The following CENPQ variants were observed in gnomAD, a reference collection of about 807,000 sequenced individuals.
CENPQ encodes centromere protein Q.
Under a neutral mutation model 36.6 loss-of-function variants are expected in CENPQ, and 27 were observed. That is an observed-to-expected ratio of 0.74 (90% CI 0.54 to 1.02). The LOEUF is 1.02. Among genes scored for constraint, CENPQ ranks in the 50% least tolerant of loss-of-function variants. CENPQ has a pLI of 0.00. For missense variants in CENPQ, 306 were observed against 301.8 expected, an observed-to-expected ratio of 1.01 and a Z score of -0.10; for synonymous variants, 101 against 101.7, an observed-to-expected ratio of 0.99 and a Z score of 0.04.
chr6:49,489,649 G>T (rs1768671860), intron 8 of CENPQ, among the ~76,000 whole-genome samples: 1 of 151,092 alleles, frequency 6.6e-6, no homozygotes, highest in Non-Finnish European at 1.5e-5. Flanking sequence ...ACCTAGGGCA[G>T]CTATAGCCTT....
chr6:49,473,613 T>C (rs910334005), intron 5 of CENPQ, among the ~76,000 whole-genome samples: 1 of 152,150 alleles, frequency 6.6e-6, no homozygotes, highest in Non-Finnish European at 1.5e-5. Flanking sequence ...CTGCATCAAC[T>C]AACGAGCAAA....
chr6:49,485,584 G>GAT (rs1305769129), intron 6 of CENPQ, among the ~76,000 whole-genome samples: 3 of 152,040 alleles, frequency 2.0e-5, no homozygotes, highest in African/African-American at 7.2e-5. Flanking sequence ...AAAAATGATA[G>GAT]AAAGTATAGG....
intron 6 of CENPQ, among the ~76,000 whole-genome samples, chr6:49,482,255 C>T (rs1768452954): frequency 6.6e-6 from 1 of 152,208 alleles, no homozygotes; most frequent in African/African-American, 2.4e-5. Flanking sequence ...TTGGCCAGCC[C>T]AGAAAGGGGC....
chr6:49,471,982 T>G (rs1768146466), intron 3 of CENPQ, 81 bp from the exon 4 acceptor site: 7 of 1,427,924 alleles, frequency 4.9e-6, no homozygotes, highest in Non-Finnish European at 6.5e-6. Context: ...ATAAGCTTTT[T>G]TAGATGAAAA....
chr6:49,486,630 C>A (rs1768586023), intron 6 of CENPQ, among the ~76,000 whole-genome samples: 1 of 151,876 alleles, frequency 6.6e-6, no homozygotes, highest in Admixed American at 6.6e-5. Context: ...AAAAAAAAAA[C>A]TCCAATTTAT....
chr6:49,482,397 T>C (rs1361105401), intron 6 of CENPQ, among the ~76,000 whole-genome samples: 1 of 152,138 alleles, frequency 6.6e-6, no homozygotes, highest in Non-Finnish European at 1.5e-5. Flanking sequence ...ATCCCCCCTC[T>C]AAACAGGACA....
Position 49,492,214 on chromosome 6 carries a change from C to T in CENPQ, c.746C>T (p.Ser249Leu). The T allele has an allele frequency of 6.2e-7, 1 of 1,608,146 alleles. No individual in the cohort carries two copies. Among genetic ancestry groups the T allele is most frequent in the African/African-American group, 1.3e-5 (1 of 74,794 alleles). The change falls in exon 9 of 9, where the codon TCA becomes TTA. Residue 249 changes from serine to leucine, a missense_variant. Ser to Leu is a moderately radical substitution (Grantham distance 145). Transcript: ENST00000335783. ...GACTTGGATATTCTTCATAATTCAT[C>T]ACAGATGAAGAGCATGTCAACCTTC... ...LKDLDILHNS[S>L]QMKSMSTFIE...
intron 5 of CENPQ, among the ~76,000 whole-genome samples, chr6:49,479,881 C>T (rs1477210619): frequency 6.6e-6 from 1 of 152,066 alleles, no homozygotes; most frequent in African/African-American, 2.4e-5. Flanking sequence ...CAGAAAACCA[C>T]ATAGTGCATT....
Position 49,492,970 on chromosome 6 carries a change from T to C in CENPQ, c.*695T>C, listed in dbSNP as rs1422464341. The C allele has an allele frequency of 6.6e-6, 1 of 152,272 alleles. No homozygotes were observed. Among genetic ancestry groups the C allele is most frequent in the Non-Finnish European group, 1.5e-5 (1 of 68,000 alleles). 9.4% of individuals were successfully genotyped at this position (152,272 alleles called of 1,614,324 possible). Reference sequence around the variant, plus strand: ...CCCAAAATATATAAACCTTTTCTTATTATGATAATAAGCTTATATATGTGA... The same window carrying C: ...CCCAAAATATATAAACCTTTTCTTACTATGATAATAAGCTTATATATGTGA... On this transcript the variant is annotated 3_prime_UTR_variant, in exon 9 of 9. Coordinates refer to ENST00000335783, the MANE Select transcript of CENPQ (RefSeq NM_018132.4).
Position 49,490,945 on chromosome 6 carries a change from G to A in CENPQ, c.676-1199G>A, listed in dbSNP as rs182336538. Reference sequence around the variant, plus strand: ...ACACTGGGCATAGATCACCATAACAGATACCGTAATAATTTTTAAAGTTTG... The same window carrying A: ...ACACTGGGCATAGATCACCATAACAAATACCGTAATAATTTTTAAAGTTTG... On this transcript the variant is annotated intron_variant, in intron 8 of 8. Transcript: ENST00000335783. 2.9e-3 allele frequency among the ~76,000 whole-genome samples: 438 copies of A among 152,278 alleles called. 1 individual carries two copies. The highest frequency in any genetic ancestry group is 6.8e-3 in the African/African-American group (284 of 41,540).
chr6:49,487,977 A>G (rs754656145), intron 6 of CENPQ, among the ~76,000 whole-genome samples: 16 of 152,148 alleles, frequency 1.1e-4, no homozygotes, highest in Non-Finnish European at 2.1e-4. Context: ...GAATTTCTCC[A>G]CTACATGAAG....
At chr6:49,481,575 G>T (rs1478226468) in intron 6 of CENPQ, among the ~76,000 whole-genome samples, 1 of 152,200 alleles carries the variant, frequency 6.6e-6, no homozygotes, top group Non-Finnish European at 1.5e-5. Flanking sequence ...AAGGGGACCC[G>T]AGAGGGTTGC....
rs1464313568 is a variant in CENPQ at position 49,488,608 on chromosome 6, T to C, written c.599T>C (p.Met200Thr). 1 of 1,612,478 alleles carries C rather than the reference T, an allele frequency of 6.2e-7. No individual in the cohort carries two copies. The highest frequency in any genetic ancestry group is 1.7e-5 in the Admixed American group (1 of 60,022). The part of the protein sequence containing the change: ...VEEEEERVKQ[M>T]HQINSSGVLS... The stretch of plus-strand genomic sequence containing the variant: ...ATCTGTAGCTTTCTTCTACTTTAGA[T>C]GCATCAAATAAATAGTAGTGGAGTA... The change falls in exon 8 of 9, where the codon ATG becomes ACG. Residue 200 changes from methionine to threonine, a missense_variant and splice_region_variant. Physicochemically the swap from Met to Thr is moderately conservative, Grantham distance 81. Transcript: ENST00000335783.
intron 5 of CENPQ, among the ~76,000 whole-genome samples, chr6:49,480,005 C>T (rs1768390874): frequency 6.6e-6 from 1 of 152,298 alleles, no homozygotes; most frequent in African/African-American, 2.4e-5. Context: ...CTATCAGGTA[C>T]TATGCTTATT....
intron 6 of CENPQ, among the ~76,000 whole-genome samples, chr6:49,485,670 A>G (rs1476548646): frequency 6.6e-6 from 1 of 152,166 alleles, no homozygotes; most frequent in South Asian, 2.1e-4. Context: ...GACATAAAAG[A>G]GAAAACCTTG....
intron 5 of CENPQ, among the ~76,000 whole-genome samples, chr6:49,474,252 A>C (rs1379569256): frequency 6.6e-6 from 1 of 152,228 alleles, no homozygotes; most frequent in Non-Finnish European, 1.5e-5. Flanking sequence ...TCCAAAATTG[A>C]CCACATAGTT....
chr6:49,481,380 A>G (rs1307403053), intron 6 of CENPQ, among the ~76,000 whole-genome samples: 1 of 151,800 alleles, frequency 6.6e-6, no homozygotes, highest in Non-Finnish European at 1.5e-5. Context: ...TGAGTGTTAC[A>G]GTTCTTAAAG....
chr6:49,475,687 C>T (rs569925448), intron 5 of CENPQ, among the ~76,000 whole-genome samples: 1 of 152,094 alleles, frequency 6.6e-6, no homozygotes, highest in Non-Finnish European at 1.5e-5. Context: ...ATTGTCTCAG[C>T]CCAAAATCTC....
chr6:49,486,094 A>G (rs1016654206), intron 6 of CENPQ, among the ~76,000 whole-genome samples: 6 of 152,222 alleles, frequency 3.9e-5, no homozygotes, highest in Admixed American at 3.9e-4. Flanking sequence ...GCACAAAGAC[A>G]AAGAAAAAGC....
Sources: allele counts gnomAD v4.1 joint callset (sites outside exome capture counted in the v4.1 genomes callset), GRCh38; gene constraint gnomAD v4.1.1; transcripts MANE v1.5; gene names NCBI Gene and HGNC (gene_info 2026-07-23, HGNC 2026-07-21).